The following ECD variants were observed in gnomAD, a reference collection of about 807,000 sequenced individuals.
ECD encodes the protein protein ecdysoneless homolog.
A neutral mutation model predicts 77.2 loss-of-function variants in ECD; 59 were observed. That is an observed-to-expected ratio of 0.76 (90% CI 0.62 to 0.95). ECD has a LOEUF of 0.95. ECD is among the 40% of genes least tolerant of loss of function. The pLI is 0.00. For synonymous variants in ECD, 233 were observed against 267.4 expected, an observed-to-expected ratio of 0.87 and a Z score of 1.26; for missense variants, 704 against 763.4, an observed-to-expected ratio of 0.92 and a Z score of 0.92.
At chr10:73,149,056 C>T (rs578083753) in intron 7 of ECD, among the ~76,000 whole-genome samples, 1 of 152,116 alleles carries the variant, frequency 6.6e-6, no homozygotes, top group Non-Finnish European at 1.5e-5. Flanking sequence ...TAACCATATA[C>T]CTTGGAGATC....
At chr10:73,146,547 G>A (rs1198099314) in intron 8 of ECD, among the ~76,000 whole-genome samples, 186 bp from the exon 9 acceptor site, 3 of 152,140 alleles carry the variant, frequency 2.0e-5, no homozygotes, top group Admixed American at 1.3e-4. Context: ...ATGAGGGGAC[G>A]CGGCTAGATG....
chr10:73,159,834 G>T (rs1240105485), intron 3 of ECD, among the ~76,000 whole-genome samples: 1 of 150,354 alleles, frequency 6.7e-6, no homozygotes, highest in Admixed American at 6.6e-5. Flanking sequence ...GTAGAGACAG[G>T]GTTTCTCCAT....
At chr10:73,157,493 CG>C (rs1843312221) in intron 3 of ECD, among the ~76,000 whole-genome samples, 1 of 151,028 alleles carries the variant, frequency 6.6e-6, no homozygotes, top group African/African-American at 2.4e-5. Flanking sequence ...CCGAGGTGGG[CG>C]GATCACCTGA....
intron 6 of ECD, 129 bp from the exon 7 acceptor site, chr10:73,152,550 A>G: frequency 9.2e-7 from 1 of 1,084,976 alleles, no homozygotes; most frequent in Non-Finnish European, 1.3e-6. Context: ...AAGAAGATTC[A>G]ACCTATTCAT....
chr10:73,139,846 A>T (rs1843029034), intron 9 of ECD, 109 bp from the exon 10 acceptor site: 154 of 471,712 alleles, frequency 3.3e-4, no homozygotes, highest in East Asian at 6.9e-4. Flanking sequence ...TAATTTGGGG[A>T]GTGTTTTTTT....
chr10:73,159,627 T>A (rs1843347620), intron 3 of ECD, among the ~76,000 whole-genome samples: 1 of 151,494 alleles, frequency 6.6e-6, no homozygotes, highest in Admixed American at 6.6e-5. Flanking sequence ...AGTTGAACTC[T>A]TTGACAGTAC....
intron 8 of ECD, among the ~76,000 whole-genome samples, chr10:73,147,877 CATATATAT>C (rs149598380): frequency 1.4e-5 from 2 of 148,018 alleles, no homozygotes; most frequent in South Asian, 4.3e-4. Flanking sequence ...TTACTGTGTT[CATATATAT>C]ATATATATAT....
intron 3 of ECD, among the ~76,000 whole-genome samples, chr10:73,159,129 C>T (rs1843341389): frequency 6.6e-6 from 1 of 152,028 alleles, no homozygotes; most frequent in Admixed American, 6.5e-5. Context: ...AGGTTTTTTT[C>T]TCCCTTCTAT....
Position 73,154,238 on chromosome 10 carries a change from C to G in ECD, c.783+18G>C, listed in dbSNP as rs149177731. 6,330 of 1,563,680 alleles carry G rather than the reference C, an allele frequency of 4.0e-3. 34 individuals carry two copies. The highest frequency in any genetic ancestry group is 0.015 in the South Asian group (1,252 of 83,586). On this transcript the variant is annotated intron_variant, in intron 6 of 13. Coordinates refer to ENST00000372979, the MANE Select transcript of ECD (RefSeq NM_007265.3). ...GTTTCCAGTAAGAGAAACTAAATGA[C>G]CAAGATAGAAATCTCACCGATGTCA...
intron 9 of ECD, among the ~76,000 whole-genome samples, chr10:73,140,736 T>A (rs1843045344): frequency 6.6e-6 from 1 of 151,618 alleles, no homozygotes; most frequent in Non-Finnish European, 1.5e-5. Context: ...ATCTACACAA[T>A]TGGCCTTCCT....
chr10:73,166,694 T>C (rs906645401), intron 1 of ECD, among the ~76,000 whole-genome samples: 1 of 152,244 alleles, frequency 6.6e-6, no homozygotes, highest in African/African-American at 2.4e-5. Context: ...TTGAACTCCT[T>C]ATATATTTTG....
At chr10:73,156,172 C>T (rs1843292540) in intron 5 of ECD, 103 bp downstream of exon 5, 3 of 1,096,254 alleles carry the variant, frequency 2.7e-6, no homozygotes, top group Non-Finnish European at 3.8e-6. Flanking sequence ...GACTGATCAA[C>T]TCCAACAGAG....
rs1589121874 is a variant in ECD, at chr10:73,160,493, T to C, written c.264A>G (p.Glu88=). The C allele has an allele frequency of 6.2e-7, 1 of 1,612,104 alleles. No homozygotes were observed. Among genetic ancestry groups the C allele is most frequent in the East Asian group, 2.2e-5 (1 of 44,812 alleles). ...GCTTTATTACATAAACAATAAACCA[T>C]TCATCCTCAATGTTATCCCCAAACT... The part of the protein sequence containing the change: ...VTKFGDNIED[E]WFIVYVIKQI... Residue 88 remains glutamate, a synonymous_variant, in exon 3 of 14, where the codon GAA becomes GAG. Coordinates refer to ENST00000372979, the MANE Select transcript of ECD (RefSeq NM_007265.3).
Position 73,156,373 on chromosome 10 carries a change from G to A in ECD, c.492C>T (p.Pro164=). 1 of 1,613,700 alleles carries A rather than the reference G, an allele frequency of 6.2e-7. No homozygotes were observed. Among genetic ancestry groups the A allele is most frequent in the South Asian group, 1.1e-5 (1 of 90,932 alleles). The part of the protein sequence containing the change: ...SGAESWLPTT[P]PTIPQALNII... ...TATTCAATGCTTGTGGAATTGTTGG[G>A]GGTGTGGTGGGTAACCAAGATTCTG... The change falls in exon 5 of 14, where the codon CCC becomes CCT. Residue 164 remains proline, a synonymous_variant. Transcript: ENST00000372979.
chr10:73,164,543 T>C (rs571514059), intron 1 of ECD, among the ~76,000 whole-genome samples: 18 of 152,056 alleles, frequency 1.2e-4, no homozygotes, highest in African/African-American at 4.1e-4. Context: ...TCACAGCTCA[T>C]TGCAACCTCC....
intron 9 of ECD, among the ~76,000 whole-genome samples, chr10:73,142,112 C>T (rs1318254574): frequency 6.6e-6 from 1 of 151,970 alleles, no homozygotes; most frequent in Non-Finnish European, 1.5e-5. Flanking sequence ...CTGTGCCTGG[C>T]TATTTATTTA....
intron 7 of ECD, among the ~76,000 whole-genome samples, chr10:73,149,808 T>C (rs917080118): frequency 6.6e-6 from 1 of 152,196 alleles, no homozygotes; most frequent in Non-Finnish European, 1.5e-5. Flanking sequence ...TATATTCCTA[T>C]CAACAATGTC....
In ECD at chr10:73,163,911, C is replaced by T. The variant is rs140699006; in HGVS notation, c.27G>A (p.Thr9=). Residue 9 remains threonine (T), a synonymous_variant, in exon 2 of 14, where the codon ACG becomes ACA. Coordinates refer to ENST00000372979, the MANE Select transcript of ECD (RefSeq NM_007265.3). MEETMKLA[T]MEDTVEYCLF... is the part of the protein sequence containing the mutation. ...GGCAGTACTCCACTGTGTCTTCCAT[C>T]GTAGCAAGCTTCATGGTTTCTTCCA... The T allele has an allele frequency of 3.1e-5, 50 of 1,614,122 alleles. No homozygotes were observed. The African/African-American group carries it at 3.7e-4, about 12-fold the overall frequency.
chr10:73,137,618 A>C (rs997376173), intron 12 of ECD, among the ~76,000 whole-genome samples: 3 of 152,134 alleles, frequency 2.0e-5, no homozygotes, highest in Admixed American at 6.5e-5. Context: ...TACTAAAAAT[A>C]CAAAAAAATT....
Sources: allele counts gnomAD v4.1 joint callset (sites outside exome capture counted in the v4.1 genomes callset), GRCh38; gene constraint gnomAD v4.1.1; transcripts MANE v1.5; gene names NCBI Gene and HGNC (gene_info 2026-07-23, HGNC 2026-07-21).